The following TCF7L2 variants were observed in gnomAD, a reference collection of about 807,000 sequenced individuals.
TCF7L2 encodes the protein transcription factor 7 like 2.
Under a neutral mutation model 77.9 loss-of-function variants are expected in TCF7L2, and 23 were observed. The observed-to-expected ratio is 0.30, with a 90% confidence interval of 0.21 to 0.42. The LOEUF (loss-of-function observed/expected upper bound fraction) is 0.42, where lower values mean the gene tolerates loss of function less well. Among genes scored for constraint, TCF7L2 ranks in the 10% least tolerant of loss-of-function variants. The probability of loss-of-function intolerance (pLI) is 1.00; values close to 1 mark genes in which losing one functional copy is unlikely to be tolerated. For synonymous variants in TCF7L2, 413 were observed against 340.2 expected (o/e 1.21, Z -2.36); for missense variants, 654 against 793.1 (o/e 0.82, Z 2.11).
At chr10:113,115,602 G>A (rs953231114) in intron 5 of TCF7L2, among the ~76,000 whole-genome samples, 1 of 152,132 alleles carries the variant, frequency 6.6e-6, no homozygotes, top group African/African-American at 2.4e-5. Flanking sequence ...GTTGTGTCTT[G>A]TGTTTTTCCC....
At chr10:113,032,161 G>A (rs2050336300) in intron 4 of TCF7L2, among the ~76,000 whole-genome samples, 1 of 152,214 alleles carries the variant, frequency 6.6e-6, no homozygotes, top group Non-Finnish European at 1.5e-5. Context: ...GAGGGTGGAA[G>A]GAAGGCCTGG....
chr10:112,961,720 G>T (rs1350979797), intron 3 of TCF7L2, among the ~76,000 whole-genome samples: 1 of 152,000 alleles, frequency 6.6e-6, no homozygotes, highest in Non-Finnish European at 1.5e-5. Flanking sequence ...GTTGCTGGCT[G>T]GGAAGAAAGA....
At chr10:112,964,822 T>TGATGGTGGTGG (rs1554875168) in intron 4 of TCF7L2, among the ~76,000 whole-genome samples, 198 bp downstream of exon 4, 1 of 73,636 alleles carries the variant, frequency 1.4e-5, no homozygotes, top group African/African-American at 5.5e-5. Context: ...TGGGGGGGGG[T>TGATGGTGGTGG]TGAATCACTG....
rs138749922 is a variant in TCF7L2, at chr10:113,128,933, C to T, written c.553-12251C>T. On this transcript the variant is annotated intron_variant, in intron 5 of 13. Transcript: ENST00000627217. ...AGCCTTTGCATCCCTCTGCCGTTTC[C>T]CTTCCTTCTCTCTCTCTCTCTTTCT... 2.3e-3 allele frequency among the ~76,000 whole-genome samples: 354 copies of T among 152,276 alleles called. 3 individuals are homozygous for T. The highest frequency in any genetic ancestry group is 8.2e-3 in the African/African-American group (342 of 41,568).
chr10:113,136,095 G>A (rs984467554), intron 5 of TCF7L2, among the ~76,000 whole-genome samples: 2 of 152,190 alleles, frequency 1.3e-5, no homozygotes, highest in Non-Finnish European at 2.9e-5. Context: ...CTCTCTCAAG[G>A]CATGTAACCT....
chr10:113,035,227 C>T (rs1380382712), intron 4 of TCF7L2, among the ~76,000 whole-genome samples: 1 of 152,154 alleles, frequency 6.6e-6, no homozygotes, highest in African/African-American at 2.4e-5. Context: ...TTGAGTTAAT[C>T]CGAAACGTTG....
chr10:113,094,274 C>T (rs543696373), intron 5 of TCF7L2, among the ~76,000 whole-genome samples: 6 of 152,320 alleles, frequency 3.9e-5, no homozygotes, highest in Admixed American at 1.3e-4. Flanking sequence ...TATTAGACCA[C>T]ATCCTATGTG....
chr10:112,961,256 C>CGCCCCA (rs200614227), intron 3 of TCF7L2, among the ~76,000 whole-genome samples: 1 of 61,470 alleles, frequency 1.6e-5, no homozygotes, highest in Non-Finnish European at 4.0e-5. Context: ...CTCAGGTGAC[C>CGCCCCA]CCCCCCCCCC....
At chr10:113,160,516 C>A (rs2072991154) in intron 12 of TCF7L2, 4 of 1,015,922 alleles carry the variant, frequency 3.9e-6, no homozygotes, top group African/African-American at 1.7e-5. Context: ...CAAATAGAAC[C>A]AAGGTGATAG....
At chr10:113,028,018 C>T (rs1396298641) in intron 4 of TCF7L2, among the ~76,000 whole-genome samples, 1 of 152,186 alleles carries the variant, frequency 6.6e-6, no homozygotes, top group Admixed American at 6.5e-5. Context: ...GAAAGCCTGC[C>T]TTCATCTTTT....
At chr10:112,982,985 C>T (rs1359019492) in intron 4 of TCF7L2, among the ~76,000 whole-genome samples, 1 of 152,072 alleles carries the variant, frequency 6.6e-6, no homozygotes, top group African/African-American at 2.4e-5. Flanking sequence ...TCATTTGTCT[C>T]CCCATGGAGG....
At chr10:112,960,266 G>C (rs2034728133) in intron 3 of TCF7L2, among the ~76,000 whole-genome samples, 1 of 152,188 alleles carries the variant, frequency 6.6e-6, no homozygotes, top group South Asian at 2.1e-4. Context: ...GAGCCCAGTA[G>C]TGATTAGAAA....
intron 4 of TCF7L2, among the ~76,000 whole-genome samples, chr10:113,025,914 G>C (rs1486477757): frequency 6.7e-6 from 1 of 149,310 alleles, no homozygotes; most frequent in East Asian, 2.0e-4. Context: ...GTCTTGCTCT[G>C]TTACCCAGGG....
At chr10:113,045,335 A>T (rs2053245938) in intron 5 of TCF7L2, among the ~76,000 whole-genome samples, 1 of 152,076 alleles carries the variant, frequency 6.6e-6, no homozygotes, top group Non-Finnish European at 1.5e-5. Flanking sequence ...GGAGGTGGGG[A>T]TTTGCCCAGT....
At chr10:113,001,670 A>G (rs934179182) in intron 4 of TCF7L2, among the ~76,000 whole-genome samples, 3 of 152,094 alleles carry the variant, frequency 2.0e-5, no homozygotes, top group Admixed American at 6.6e-5. Context: ...TGACCCCCCT[A>G]TCATGCCCCC....
At chr10:112,996,082 C>T (rs1015056603) in intron 4 of TCF7L2, among the ~76,000 whole-genome samples, 14 of 152,116 alleles carry the variant, frequency 9.2e-5, no homozygotes, top group East Asian at 3.8e-4. Flanking sequence ...TGATCCTATG[C>T]GGTGGGCATT....
intron 4 of TCF7L2, among the ~76,000 whole-genome samples, chr10:112,967,602 A>G (rs1416308212): frequency 1.3e-5 from 2 of 152,148 alleles, no homozygotes; most frequent in Non-Finnish European, 2.9e-5. Flanking sequence ...CCCAAAATGG[A>G]TAACACAAAT....
rs201536157 is a variant in TCF7L2, at chr10:113,042,904, G to T, written c.552+2778G>T. 3.9e-5 allele frequency among the ~76,000 whole-genome samples: 6 copies of T among 152,188 alleles called. No individual in the cohort carries two copies. In the East Asian group the frequency reaches 1.2e-3, roughly 29 times the overall value. On this transcript the variant is annotated intron_variant, in intron 5 of 13. Transcript: ENST00000627217. ...TTTGTACAGTTAAACATTGGCCAGAGGGTCTGGTTCGTGTTTAGAGTCGCC... is the reference window on the plus strand; with the variant it reads ...TTTGTACAGTTAAACATTGGCCAGATGGTCTGGTTCGTGTTTAGAGTCGCC...
chr10:113,028,751 A>G (rs1221064364), intron 4 of TCF7L2, among the ~76,000 whole-genome samples: 2 of 152,234 alleles, frequency 1.3e-5, no homozygotes, highest in Non-Finnish European at 2.9e-5. Flanking sequence ...GAACCTAATT[A>G]GAAAAATCAA....
Sources: gnomAD v4.1 joint callset for allele counts (sites outside exome capture counted in the v4.1 genomes callset) on GRCh38, gnomAD v4.1.1 for gene constraint, MANE v1.5 for transcripts, NCBI Gene and HGNC (gene_info 2026-07-23, HGNC 2026-07-21) for gene names.